CERS5: variants seen among roughly 807,000 people sequenced by gnomAD.
CERS5 encodes LAG1 homolog, ceramide synthase 5.
A neutral mutation model predicts 58.9 loss-of-function variants in CERS5; 37 were observed. The ratio of observed to expected loss-of-function variants is 0.63; its 90% CI spans 0.48 to 0.83. CERS5 has a LOEUF of 0.83. CERS5 is among the 40% of genes least tolerant of loss of function. The probability of loss-of-function intolerance (pLI) is 0.00; values close to 1 mark genes in which losing one functional copy is unlikely to be tolerated. For missense variants in CERS5, 398 were observed against 489.3 expected (o/e 0.81, Z 1.76); for synonymous variants, 147 against 177.8 (o/e 0.83, Z 1.38).
At chr12:50,132,872 C>A in intron 9 of CERS5, 1 of 1,256,054 alleles carries the variant, frequency 8.0e-7, no homozygotes, top group Non-Finnish European at 1.0e-6. Context: ...CTGAGACAAA[C>A]ACAAGGGAAC....
intron 1 of CERS5, among the ~76,000 whole-genome samples, chr12:50,149,665 C>A (rs1405129016): frequency 3.9e-5 from 6 of 152,134 alleles, no homozygotes; most frequent in Non-Finnish European, 1.5e-5. Context: ...ATCCATGGGG[C>A]CTTCGGGTAG....
At chr12:50,161,542 C>T (rs1939262359) in intron 1 of CERS5, among the ~76,000 whole-genome samples, 2 of 152,030 alleles carry the variant, frequency 1.3e-5, no homozygotes, top group South Asian at 2.1e-4. Flanking sequence ...TTTGGGAGGC[C>T]GAGGCAGGTG....
chr12:50,135,399 G>T (rs144186279), intron 8 of CERS5: 12 of 487,068 alleles, frequency 2.5e-5, no homozygotes, highest in Non-Finnish European at 3.9e-5. Context: ...ACTGAGAATT[G>T]TATCAACAGT....
Position 50,143,601 on chromosome 12 carries a change from A to G in CERS5, c.303+351T>C, listed in dbSNP as rs184627853. 2.2e-3 allele frequency: 552 copies of G among 249,996 alleles called. 2 individuals carry two copies. Among genetic ancestry groups the G allele is most frequent in the African/African-American group, 0.012 (519 of 44,784 alleles). The allele number at this position is 249,996 out of a possible 1,614,324, so 15.5% of individuals were successfully genotyped here. A position where few individuals can be genotyped will look rare whatever the true frequency, so the allele number is the denominator to read the frequency against. On this transcript the variant is annotated intron_variant, in intron 2 of 9. Transcript: ENST00000317551. Reference sequence around the variant, plus strand: ...GTCTCTCCAAAAAACAAAAAACCCAAACTGCAAAGGCTATCAGTACTGTCT... The same window carrying G: ...GTCTCTCCAAAAAACAAAAAACCCAGACTGCAAAGGCTATCAGTACTGTCT...
chr12:50,148,686 C>G (rs1952447873), intron 1 of CERS5: 1 of 203,988 alleles, frequency 4.9e-6, no homozygotes, highest in South Asian at 4.9e-5. Flanking sequence ...CACTTGAGGT[C>G]AGGAGTTTGA....
intron 1 of CERS5, among the ~76,000 whole-genome samples, chr12:50,155,058 G>A (rs56063795): frequency 2.2e-4 from 34 of 151,838 alleles, no homozygotes; most frequent in Non-Finnish European, 4.1e-4. Context: ...GGGTTTCACC[G>A]TGTTGGCCAG....
chr12:50,148,917 AAAAAAAAAAAAT>A (rs1952473337), intron 1 of CERS5, among the ~76,000 whole-genome samples: 1 of 61,998 alleles, frequency 1.6e-5, no homozygotes, highest in African/African-American at 6.4e-5. Flanking sequence ...AAAAAAAAAA[AAAAAAAAAAAAT>A]ATATATATAT....
intron 1 of CERS5, among the ~76,000 whole-genome samples, chr12:50,146,780 G>A (rs1381467837): frequency 6.7e-6 from 1 of 149,742 alleles, no homozygotes; most frequent in African/African-American, 2.5e-5. Flanking sequence ...CCGGGAGGCG[G>A]AGCTTGCAGT....
chr12:50,138,518 C>G, intron 5 of CERS5, 49 bp downstream of exon 5: 2 of 1,503,472 alleles, frequency 1.3e-6, no homozygotes, highest in Non-Finnish European at 1.9e-6. Flanking sequence ...TCACTCACTC[C>G]ACCTTATACA....
In CERS5 at chr12:50,129,499, T is replaced by TC. The variant is rs1951194680; in HGVS notation, c.*1045_*1046insG. The TC allele has an allele frequency of 1.5e-5, 2 of 130,144 alleles. No individual in the cohort carries two copies. The highest frequency in any genetic ancestry group is 2.5e-4 in the East Asian group (1 of 3,930). 8.1% of individuals were successfully genotyped at this position (130,144 alleles called of 1,614,324 possible). ...AAGTTGAGGAACTAAAAGTATGACC[T>TC]AATTTTTTTTTTTTTTTTTTTTTTT... On this transcript the variant is annotated 3_prime_UTR_variant, in exon 10 of 10. Transcript: ENST00000317551.
chr12:50,134,807 C>T, intron 8 of CERS5, 105 bp from the exon 9 acceptor site: 1 of 1,015,762 alleles, frequency 9.8e-7, no homozygotes, highest in Non-Finnish European at 1.4e-6. Context: ...CCTACCAGCC[C>T]TTTTATCAGC....
chr12:50,146,960 A>T (rs1435781954), intron 1 of CERS5, among the ~76,000 whole-genome samples: 4 of 152,108 alleles, frequency 2.6e-5, no homozygotes, highest in African/African-American at 9.7e-5. Context: ...AATCTTTTCT[A>T]ATTTGTGATA....
chr12:50,130,629 T>G lies in CERS5; in HGVS notation c.1095A>C (p.Thr365=). The change falls in exon 10 of 10, where the codon ACA becomes ACC. Residue 365 remains threonine, a synonymous_variant. Transcript: ENST00000317551. ...SSEEEDVTTC[T]KSPCDSSSSN... is the part of the protein sequence containing the mutation. ...TGGAGCTACTGTCACAGGGACTTTT[T>G]GTGCAGGTGGTCACATCTTCTTCCT... The G allele has an allele frequency of 6.2e-7, 1 of 1,612,796 alleles. No individual in the cohort carries two copies. Among genetic ancestry groups the G allele is most frequent in the Non-Finnish European group, 8.5e-7 (1 of 1,178,870 alleles).
intron 1 of CERS5, among the ~76,000 whole-genome samples, chr12:50,164,631 T>C (rs1939668778): frequency 1.3e-5 from 2 of 152,164 alleles, no homozygotes; most frequent in Admixed American, 1.3e-4. Flanking sequence ...TAGCCAAGAA[T>C]TATCATACTA....
chr12:50,133,872 G>T, intron 9 of CERS5: 1 of 487,810 alleles, frequency 2.0e-6, no homozygotes, highest in Non-Finnish European at 2.7e-6. Context: ...GGGAGTTAGA[G>T]ACCAGCCTGG....
intron 1 of CERS5, among the ~76,000 whole-genome samples, chr12:50,164,447 G>A (rs1038380541): frequency 2.0e-5 from 3 of 151,992 alleles, no homozygotes; most frequent in Non-Finnish European, 4.4e-5. Flanking sequence ...CAATAAGAGT[G>A]GAGTGGTCTA....
chr12:50,143,368 C>T, intron 2 of CERS5, 164 bp from the exon 3 acceptor site: 1 of 724,672 alleles, frequency 1.4e-6, no homozygotes, highest in South Asian at 1.8e-5. Context: ...TTTTATCTTA[C>T]ATATCAAGGA....
In CERS5 at chr12:50,137,788, G is replaced by A; in HGVS notation, c.576C>T (p.Ile192=). ...PLSSGLYHYY[I]MELAFYWSLM... ...GGGACCAATAGAAGGCCAATTCCATGATATAATAGTGATAAAGCCCACTTG... is the reference window on the plus strand; with the variant it reads ...GGGACCAATAGAAGGCCAATTCCATAATATAATAGTGATAAAGCCCACTTG... Residue 192 remains isoleucine (I), a synonymous_variant, in exon 6 of 10, where the codon ATC becomes ATT. Coordinates refer to ENST00000317551, the MANE Select transcript of CERS5 (RefSeq NM_147190.5). 6.2e-7 allele frequency: 1 copy of A among 1,608,568 alleles called. No homozygotes were observed. Among genetic ancestry groups the A allele is most frequent in the Non-Finnish European group, 8.5e-7 (1 of 1,175,654 alleles).
chr12:50,141,994 T>G (rs1417893767), intron 4 of CERS5, 59 bp downstream of exon 4: 2 of 1,012,018 alleles, frequency 2.0e-6, no homozygotes, highest in East Asian at 4.9e-5. Flanking sequence ...TAACTCTTAC[T>G]TCTAGAGATC....
Sources: gnomAD v4.1 joint callset for allele counts (sites outside exome capture counted in the v4.1 genomes callset) on GRCh38, gnomAD v4.1.1 for gene constraint, MANE v1.5 for transcripts, NCBI Gene and HGNC (gene_info 2026-07-23, HGNC 2026-07-21) for gene names.